SNTB1: variants seen among roughly 807,000 people sequenced by gnomAD.
The protein encoded by SNTB1 is syntrophin beta 1, also known as beta-1-syntrophin.
A neutral mutation model predicts 48.9 loss-of-function variants in SNTB1; 36 were observed. The observed-to-expected ratio is 0.74, with a 90% CI of 0.56 to 0.97. The LOEUF (loss-of-function observed/expected upper bound fraction) is 0.97. Among genes scored for constraint, SNTB1 ranks in the 50% least tolerant of loss-of-function variants. SNTB1 has a pLI of 0.00. For synonymous variants in SNTB1, 299 were observed against 294.6 expected, an observed-to-expected ratio of 1.01 and a Z score of -0.15; for missense variants, 786 against 703.4, an observed-to-expected ratio of 1.12 and a Z score of -1.33.
In SNTB1 at chr8:120,717,681, G is replaced by GA. The variant is rs559482098; in HGVS notation, c.572-23774dup. Among the ~76,000 whole-genome samples, 215 of 152,248 alleles carry GA rather than the reference G, an allele frequency of 1.4e-3. 1 individual carries two copies. The highest frequency in any genetic ancestry group is 4.6e-3 in the African/African-American group (193 of 41,546). ...TTCACCCCTCTCCTGGCACAGATGG[G>GA]AAATGGCCAAGAATGATGTGCAGAG... is the stretch of plus-strand genomic sequence containing the variant. On this transcript the variant is annotated intron_variant, in intron 1 of 6. Coordinates refer to ENST00000517992, the MANE Select transcript of SNTB1 (RefSeq NM_021021.4).
chr8:120,689,749 G>T (rs7836252), intron 2 of SNTB1, among the ~76,000 whole-genome samples: 2,873 of 152,024 alleles, frequency 0.019, 91 homozygotes, highest in African/African-American at 0.063. Context: ...AAAAACCCAT[G>T]AAAAAAAGGC....
At chr8:120,756,832 G>A (rs1488722001) in intron 1 of SNTB1, among the ~76,000 whole-genome samples, 1 of 152,152 alleles carries the variant, frequency 6.6e-6, no homozygotes, top group Non-Finnish European at 1.5e-5. Context: ...TGGCCTAAGT[G>A]CTGGGATTGA....
At chr8:120,698,001 G>A (rs1282440589) in intron 1 of SNTB1, among the ~76,000 whole-genome samples, 1 of 152,098 alleles carries the variant, frequency 6.6e-6, no homozygotes, top group African/African-American at 2.4e-5. Context: ...CAGATGTGAA[G>A]GATAAAGTAA....
intron 1 of SNTB1, among the ~76,000 whole-genome samples, chr8:120,773,719 A>G (rs887361277): frequency 6.6e-6 from 1 of 152,238 alleles, no homozygotes; most frequent in Non-Finnish European, 1.5e-5. Context: ...CAATAACCTT[A>G]TATTTATCTC....
At chr8:120,759,382 C>T (rs1423679321) in intron 1 of SNTB1, among the ~76,000 whole-genome samples, 1 of 152,148 alleles carries the variant, frequency 6.6e-6, no homozygotes, top group Non-Finnish European at 1.5e-5. Flanking sequence ...TCACTGGTCT[C>T]TACTTTCTGA....
chr8:120,604,395 C>T (rs552177002), intron 3 of SNTB1, among the ~76,000 whole-genome samples: 36 of 152,042 alleles, frequency 2.4e-4, no homozygotes, highest in African/African-American at 8.4e-4. Context: ...CAATTCTTCT[C>T]AGGTGGTTCA....
At chr8:120,623,668 A>G (rs1816828026) in intron 3 of SNTB1, among the ~76,000 whole-genome samples, 1 of 152,192 alleles carries the variant, frequency 6.6e-6, no homozygotes, top group Non-Finnish European at 1.5e-5. Context: ...TGCGTTCACC[A>G]TCTCATCCTG....
rs959724394 is a variant in SNTB1 at position 120,571,996 on chromosome 8, C to T, written c.1136+3090G>A. Among the ~76,000 whole-genome samples, 4 of 152,054 alleles carry T rather than the reference C, an allele frequency of 2.6e-5. 1 individual carries two copies. The highest frequency in any genetic ancestry group is 4.2e-4 in the South Asian group (2 of 4,802). On this transcript the variant is annotated intron_variant, in intron 4 of 6. Transcript: ENST00000517992. Reference sequence around the variant, plus strand: ...AATAATTTCCATCTTTAGCTCCCCACCTCCCCGGCCCCACCCCCGCTGCTG... The same window carrying T: ...AATAATTTCCATCTTTAGCTCCCCATCTCCCCGGCCCCACCCCCGCTGCTG...
At chr8:120,649,559 G>A (rs1299953150) in intron 2 of SNTB1, among the ~76,000 whole-genome samples, 1 of 141,678 alleles carries the variant, frequency 7.1e-6, no homozygotes, top group Non-Finnish European at 1.5e-5. Context: ...GAGAACCACT[G>A]CTCTCTTCAA....
chr8:120,630,747 G>C (rs572164265), intron 3 of SNTB1, among the ~76,000 whole-genome samples: 1 of 152,250 alleles, frequency 6.6e-6, no homozygotes, highest in Admixed American at 6.5e-5. Context: ...CACTGCAAAT[G>C]ACTTAGGTGA....
rs561563012 is a variant in SNTB1 at position 120,721,737 on chromosome 8, T to A, written c.572-27829A>T. Among the ~76,000 whole-genome samples, 3 of 152,350 alleles carry A rather than the reference T, an allele frequency of 2.0e-5. No homozygotes were observed. The East Asian group carries it at 5.8e-4, about 29-fold the overall frequency. On this transcript the variant is annotated intron_variant, in intron 1 of 6. Transcript: ENST00000517992. Reference sequence around the variant, plus strand: ...ACCATTAGTTTATTTTTTTCATTTTTAAATTATTTATTTATTATACTTTAA... The same window carrying A: ...ACCATTAGTTTATTTTTTTCATTTTAAAATTATTTATTTATTATACTTTAA...
Position 120,606,685 on chromosome 8 carries a change from T to C in SNTB1, c.996+25759A>G, listed in dbSNP as rs180978806. ...AAAAGAAAATTGAGCAAGTTGGTTT[T>C]GGTCTCACAGAATCAAGTGGTGGTG... On this transcript the variant is annotated intron_variant, in intron 3 of 6. Transcript: ENST00000517992. 1.9e-4 allele frequency among the ~76,000 whole-genome samples: 29 copies of C among 152,324 alleles called. No individual in the cohort carries two copies. The East Asian group carries it at 4.8e-3, about 25-fold the overall frequency.
intron 1 of SNTB1, among the ~76,000 whole-genome samples, chr8:120,804,277 T>C (rs1820287129): frequency 6.6e-6 from 1 of 151,778 alleles, no homozygotes; most frequent in Non-Finnish European, 1.5e-5. Context: ...CATCCATTCA[T>C]CCACCCTTTA....
intron 4 of SNTB1, among the ~76,000 whole-genome samples, chr8:120,551,724 T>TAA (rs1815483844): frequency 1.8e-5 from 1 of 55,326 alleles, no homozygotes; most frequent in Non-Finnish European, 3.0e-5. Context: ...AGACTCCATC[T>TAA]CAAAAAAAAA....
intron 2 of SNTB1, among the ~76,000 whole-genome samples, chr8:120,668,788 A>G (rs1817715029): frequency 6.6e-6 from 1 of 152,240 alleles, no homozygotes. Context: ...TTCAAACTAA[A>G]TGATTTTACT....
At chr8:120,684,945 C>A (rs1462908102) in intron 2 of SNTB1, among the ~76,000 whole-genome samples, 1 of 152,182 alleles carries the variant, frequency 6.6e-6, no homozygotes, top group Non-Finnish European at 1.5e-5. Flanking sequence ...TGTGAGCCAC[C>A]ATGCCCAGCA....
intron 1 of SNTB1, among the ~76,000 whole-genome samples, chr8:120,729,950 TC>T (rs61381160): frequency 0.071 from 10,860 of 152,216 alleles, 523 homozygotes; most frequent in East Asian, 0.17. Flanking sequence ...GACTGTGGCA[TC>T]AGGTCAACTG....
At chr8:120,582,447 T>G (rs1816063382) in intron 3 of SNTB1, among the ~76,000 whole-genome samples, 1 of 151,706 alleles carries the variant, frequency 6.6e-6, no homozygotes, top group African/African-American at 2.4e-5. Flanking sequence ...CAGAAATCAA[T>G]GAAAATGGAA....
At chr8:120,574,871 G>A (rs576147832) in intron 4 of SNTB1, among the ~76,000 whole-genome samples, 1 of 152,270 alleles carries the variant, frequency 6.6e-6, no homozygotes, top group African/African-American at 2.4e-5. Flanking sequence ...TCTTGATGAT[G>A]GACGGTATTT....
Sources: gnomAD v4.1 joint callset for allele counts (sites outside exome capture counted in the v4.1 genomes callset) on GRCh38, gnomAD v4.1.1 for gene constraint, MANE v1.5 for transcripts, NCBI Gene and HGNC (gene_info 2026-07-23, HGNC 2026-07-21) for gene names.